WDR70: variants seen among roughly 807,000 people sequenced by gnomAD.
The protein encoded by WDR70 is WD repeat domain 70.
A neutral mutation model predicts 88.6 loss-of-function variants in WDR70; 53 were observed. That is an observed-to-expected ratio of 0.60 (90% CI 0.48 to 0.75). The LOEUF is 0.75. Ranked by LOEUF, WDR70 falls within the 30% of genes least tolerant of loss-of-function variation. The pLI, the probability that WDR70 is intolerant of heterozygous loss-of-function variation, is 0.00. For synonymous variants in WDR70, 280 were observed against 270.0 expected, an observed-to-expected ratio of 1.04 and a Z score of -0.36; for missense variants, 610 against 823.2, an observed-to-expected ratio of 0.74 and a Z score of 3.17.
chr5:37,682,567 C>T (rs1326997591), intron 10 of WDR70, among the ~76,000 whole-genome samples: 3 of 151,970 alleles, frequency 2.0e-5, no homozygotes, highest in South Asian at 2.1e-4. Context: ...GGGTGTTTAG[C>T]GCTATAAATT....
intron 4 of WDR70, among the ~76,000 whole-genome samples, chr5:37,392,550 T>C (rs986710480): frequency 6.6e-6 from 1 of 152,306 alleles, no homozygotes; most frequent in Non-Finnish European, 1.5e-5. Flanking sequence ...GGTTTTACCA[T>C]GTTGGCCAGG....
intron 10 of WDR70, among the ~76,000 whole-genome samples, chr5:37,613,258 A>T (rs540500971): frequency 2.0e-5 from 3 of 152,318 alleles, no homozygotes; most frequent in Admixed American, 1.3e-4. Context: ...GGTAGGTTAA[A>T]CACATTTGTT....
intron 10 of WDR70, among the ~76,000 whole-genome samples, chr5:37,689,298 T>A (rs1746708584): frequency 6.6e-6 from 1 of 152,182 alleles, no homozygotes; most frequent in African/African-American, 2.4e-5. Flanking sequence ...TCTGCAGACT[T>A]AAATGTCCCT....
intron 9 of WDR70, among the ~76,000 whole-genome samples, chr5:37,535,910 A>T (rs1295528713): frequency 6.6e-6 from 1 of 152,238 alleles, no homozygotes; most frequent in South Asian, 2.1e-4. Context: ...TGTACACTTT[A>T]TGAATGGTTG....
intron 7 of WDR70, among the ~76,000 whole-genome samples, chr5:37,474,663 AC>A (rs1405150493): frequency 6.6e-6 from 1 of 152,040 alleles, no homozygotes; most frequent in Non-Finnish European, 1.5e-5. Context: ...GCACCGATTA[AC>A]CCATCACCTA....
At chr5:37,584,599 C>G (rs548192097) in intron 9 of WDR70, among the ~76,000 whole-genome samples, 1 of 152,108 alleles carries the variant, frequency 6.6e-6, no homozygotes, top group East Asian at 1.9e-4. Flanking sequence ...GAGTCTGGTG[C>G]TTTTAAACTT....
intron 10 of WDR70, among the ~76,000 whole-genome samples, chr5:37,646,701 TAG>T: frequency 6.6e-6 from 1 of 152,298 alleles, no homozygotes; most frequent in East Asian, 1.9e-4. Flanking sequence ...TCCTGGCCTG[TAG>T]AGTTTCCACT....
At chr5:37,415,593 C>T (rs1304477746) in intron 5 of WDR70, among the ~76,000 whole-genome samples, 2 of 137,198 alleles carry the variant, frequency 1.5e-5, no homozygotes, top group Admixed American at 1.4e-4. Context: ...CCGGACGGGG[C>T]GGCTGGCCGG....
intron 8 of WDR70, among the ~76,000 whole-genome samples, chr5:37,505,162 T>A (rs1200884587): frequency 6.6e-6 from 1 of 152,212 alleles, no homozygotes; most frequent in Non-Finnish European, 1.5e-5. Context: ...TACATTGTCT[T>A]TTATCAGGCA....
chr5:37,685,887 A>T (rs952463406), intron 10 of WDR70, among the ~76,000 whole-genome samples: 1 of 152,022 alleles, frequency 6.6e-6, no homozygotes, highest in African/African-American at 2.4e-5. Flanking sequence ...CTCTAACCCC[A>T]CACAAGTTCC....
At chr5:37,644,989 T>C (rs1351657951) in intron 10 of WDR70, among the ~76,000 whole-genome samples, 1 of 151,996 alleles carries the variant, frequency 6.6e-6, no homozygotes, top group Non-Finnish European at 1.5e-5. Context: ...TTATTTCTGC[T>C]CTGATCTTTA....
At chr5:37,557,941 T>TACTCTTCAAAAGAGTACTCTTTTGAAA (rs1561900775) in intron 9 of WDR70, among the ~76,000 whole-genome samples, 23 of 52,144 alleles carry the variant, frequency 4.4e-4, no homozygotes, top group South Asian at 7.4e-4. Flanking sequence ...CTCTTTTGAA[T>TACTCTTCAAAAGAGTACTCTTTTGAAA]ACTCTTCAAA....
At chr5:37,431,118 C>T (rs35423703) in intron 5 of WDR70, among the ~76,000 whole-genome samples, 116,337 of 152,134 alleles carry the variant, frequency 0.76, 48,371 homozygotes, top group East Asian at 0.96. Context: ...CCTCCCAAAG[C>T]GTTGGGATTG....
At chr5:37,738,614 A>G (rs1748376084) in intron 17 of WDR70, among the ~76,000 whole-genome samples, 1 of 152,200 alleles carries the variant, frequency 6.6e-6, no homozygotes, top group African/African-American at 2.4e-5. Context: ...ATGCCCTTTT[A>G]GAAGATTGCA....
chr5:37,568,624 C>T (rs1472873679), intron 9 of WDR70, among the ~76,000 whole-genome samples: 2 of 152,266 alleles, frequency 1.3e-5, no homozygotes, highest in Admixed American at 1.3e-4. Context: ...CTGAGTGTTA[C>T]TGAACTTTCT....
intron 8 of WDR70, chr5:37,505,861 C>A: frequency 2.2e-6 from 3 of 1,371,974 alleles, no homozygotes; most frequent in Non-Finnish European, 3.1e-6. Context: ...TTCAACTTTG[C>A]ATTTTTTAAG....
rs528488062 is a variant in WDR70, at chr5:37,527,307, A to C, written c.917+10717A>C. Among the ~76,000 whole-genome samples, 4 of 152,318 alleles carry C rather than the reference A, an allele frequency of 2.6e-5. No individual in the cohort carries two copies. The South Asian group carries it at 6.2e-4, about 24-fold the overall frequency. ...GAGATATAGACCAATGGAACAAATC[A>C]GAGCCCTCAGAAAGAATACCACACA... On this transcript the variant is annotated intron_variant, in intron 9 of 17. Coordinates refer to ENST00000265107, the MANE Select transcript of WDR70 (RefSeq NM_018034.4).
At chr5:37,588,469 G>T (rs961513703) in intron 9 of WDR70, among the ~76,000 whole-genome samples, 7 of 152,032 alleles carry the variant, frequency 4.6e-5, no homozygotes, top group African/African-American at 1.7e-4. Flanking sequence ...ATAATAGAAC[G>T]TATATCTGAG....
chr5:37,577,440 C>G (rs1424551265), intron 9 of WDR70, among the ~76,000 whole-genome samples: 2 of 152,142 alleles, frequency 1.3e-5, no homozygotes, highest in African/African-American at 4.8e-5. Flanking sequence ...TGATTAAATG[C>G]ACTCCAGCTT....
Sources: gnomAD v4.1 joint callset for allele counts (sites outside exome capture counted in the v4.1 genomes callset) on GRCh38, gnomAD v4.1.1 for gene constraint, MANE v1.5 for transcripts, NCBI Gene and HGNC (gene_info 2026-07-23, HGNC 2026-07-21) for gene names.